LRCH1: variants seen among roughly 807,000 people sequenced by gnomAD.
The protein encoded by LRCH1 is leucine-rich repeat and calponin homology domain-containing protein 1.
In LRCH1, 23 loss-of-function variants were observed where a neutral mutation model predicts 94.9. The observed-to-expected ratio is 0.24, with a 90% confidence interval of 0.17 to 0.34. LRCH1 has a LOEUF of 0.34. Among genes scored for constraint, LRCH1 ranks in the 10% least tolerant of loss-of-function variants. The pLI, the probability that LRCH1 is intolerant of heterozygous loss-of-function variation, is 1.00. For missense variants in LRCH1, 790 were observed against 945.9 expected (o/e 0.84, Z 2.16); for synonymous variants, 364 against 354.9 (o/e 1.03, Z -0.29).
intron 1 of LRCH1, among the ~76,000 whole-genome samples, chr13:46,595,063 C>T (rs1594271629): frequency 6.6e-6 from 1 of 152,160 alleles, no homozygotes; most frequent in East Asian, 1.9e-4. Context: ...TTATTAATAC[C>T]ATGATGATCA....
At chr13:46,664,536 G>T (rs138476804) in intron 2 of LRCH1, among the ~76,000 whole-genome samples, 1 of 152,204 alleles carries the variant, frequency 6.6e-6, no homozygotes, top group East Asian at 1.9e-4. Context: ...TAGCCATGGA[G>T]TAGGCTAGAC....
intron 13 of LRCH1, among the ~76,000 whole-genome samples, chr13:46,710,073 C>A (rs1273105921): frequency 6.6e-6 from 1 of 152,094 alleles, no homozygotes. Context: ...TAGATTCAGC[C>A]TTGTTTTTGT....
chr13:46,649,335 C>G (rs184928753), intron 1 of LRCH1, among the ~76,000 whole-genome samples: 1 of 152,056 alleles, frequency 6.6e-6, no homozygotes, highest in South Asian at 2.1e-4. Flanking sequence ...GTGGTTCTTT[C>G]CTTATAGTCT....
intron 18 of LRCH1, among the ~76,000 whole-genome samples, chr13:46,730,922 A>G (rs1157205552): frequency 1.3e-5 from 2 of 152,222 alleles, no homozygotes; most frequent in African/African-American, 4.8e-5. Context: ...AAAATGCTAC[A>G]TTGTTTTAGA....
chr13:46,716,105 G>T (rs9526224), intron 16 of LRCH1, among the ~76,000 whole-genome samples: 19,889 of 151,962 alleles, frequency 0.13, 1,349 homozygotes, highest in Admixed American at 0.15. Context: ...CTAGAGTATT[G>T]CATTGAAAAT....
chr13:46,573,876 T>C (rs1485268366), intron 1 of LRCH1, among the ~76,000 whole-genome samples: 1 of 59,314 alleles, frequency 1.7e-5, no homozygotes, highest in Non-Finnish European at 4.0e-5. Context: ...ATTTTTTTTT[T>C]TTTTGAGATG....
chr13:46,723,574 G>T (rs567659443), intron 17 of LRCH1, among the ~76,000 whole-genome samples: 1 of 152,160 alleles, frequency 6.6e-6, no homozygotes, highest in African/African-American at 2.4e-5. Context: ...GTAGAGGCAG[G>T]CTGATCACTT....
intron 1 of LRCH1, among the ~76,000 whole-genome samples, chr13:46,605,969 G>T (rs2050682138): frequency 6.6e-6 from 1 of 152,194 alleles, no homozygotes; most frequent in South Asian, 2.1e-4. Flanking sequence ...GAGACTCAGA[G>T]ACATGAAGTG....
chr13:46,724,412 C>T (rs978072392), intron 17 of LRCH1, among the ~76,000 whole-genome samples: 2 of 152,138 alleles, frequency 1.3e-5, no homozygotes, highest in African/African-American at 4.8e-5. Flanking sequence ...TTATAGTTAT[C>T]CTCACTTTGT....
intron 1 of LRCH1, among the ~76,000 whole-genome samples, chr13:46,578,239 C>T (rs780537800): frequency 2.0e-5 from 3 of 152,214 alleles, no homozygotes; most frequent in Non-Finnish European, 4.4e-5. Context: ...AGAAAGGATG[C>T]GTGCTTTGTG....
intron 1 of LRCH1, among the ~76,000 whole-genome samples, chr13:46,557,970 G>A (rs2050084587): frequency 6.6e-6 from 1 of 152,172 alleles, no homozygotes; most frequent in African/African-American, 2.4e-5. Context: ...CATAGGTTGA[G>A]GCTGCAGTGA....
rs749492624 is a variant in LRCH1 at position 46,701,205 on chromosome 13, T to A, written c.1398T>A (p.Asn466Lys). ...REAVDLLQDP[N>K]GLSTDITERS... ...CAGTAGATTTGCTGCAAGATCCCAA[T>A]GGGTGTGTATGTCTCCTTGGTCCAG... is the stretch of plus-strand genomic sequence containing the variant. Residue 466 changes from asparagine to lysine, a missense_variant and splice_region_variant, in exon 11 of 20, where the codon AAT becomes AAA. Around this residue, in one of 3 missense-constraint regions of LRCH1, gnomAD observed 460 missense variants for 508.9 expected, o/e 0.90. Transcript: ENST00000389797. 1.4e-5 allele frequency: 23 copies of A among 1,604,588 alleles called. No individual in the cohort carries two copies. The highest frequency in any genetic ancestry group is 2.0e-5 in the Non-Finnish European group (23 of 1,171,496).
Position 46,657,500 on chromosome 13 carries a change from C to CTTTTTTTTTTTTTTT in LRCH1, c.452+7183_452+7197dup, listed in dbSNP as rs67588975. Among the ~76,000 whole-genome samples the CTTTTTTTTTTTTTTT allele has an allele frequency of 2.2e-3, 25 of 11,384 alleles. 6 individuals carry two copies. Among genetic ancestry groups the CTTTTTTTTTTTTTTT allele is most frequent in the Non-Finnish European group, 3.6e-3 (22 of 6,140 alleles). The allele number at this position is 11,384 out of a possible 152,430, so 7.5% of individuals were successfully genotyped here. On this transcript the variant is annotated intron_variant, in intron 2 of 19. Coordinates refer to ENST00000389797, the MANE Select transcript of LRCH1 (RefSeq NM_001164211.2). ...TCATTTTTACTTTTTCTTTTCTTTT[C>CTTTTTTTTTTTTTTT]TTTTTTTTTTTTTTTTTTTTTTTTT...
At chr13:46,651,742 C>T (rs1173290409) in intron 2 of LRCH1, among the ~76,000 whole-genome samples, 56 of 151,100 alleles carry the variant, frequency 3.7e-4, no homozygotes, top group Middle Eastern at 3.4e-3. Context: ...ACTCTGTCAC[C>T]CAGGCTGGAG....
intron 18 of LRCH1, among the ~76,000 whole-genome samples, chr13:46,732,671 G>A (rs1219935903): frequency 3.9e-5 from 6 of 152,152 alleles, no homozygotes; most frequent in Non-Finnish European, 7.3e-5. Context: ...GGGCCCAAAC[G>A]ATCAGAGAGA....
In LRCH1 at chr13:46,691,701, G is replaced by GT. The variant is rs984393449; in HGVS notation, c.1015-828dup. Reference sequence around the variant, plus strand: ...GAGGAGGTGCCATGCACTTTTTTTTGTTTTTTTAAGACGGAGTCTTGTTCT... The same window carrying GT: ...GAGGAGGTGCCATGCACTTTTTTTTGTTTTTTTTAAGACGGAGTCTTGTTCT... On this transcript the variant is annotated intron_variant, in intron 7 of 19. Transcript: ENST00000389797. Among the ~76,000 whole-genome samples the GT allele has an allele frequency of 7.2e-5, 11 of 151,788 alleles. No individual in the cohort carries two copies. The South Asian group carries it at 1.7e-3, about 23-fold the overall frequency.
intron 1 of LRCH1, among the ~76,000 whole-genome samples, chr13:46,587,143 T>C (rs541689549): frequency 3.3e-5 from 5 of 152,328 alleles, no homozygotes; most frequent in East Asian, 1.9e-4. Flanking sequence ...GATGTAAAAA[T>C]AGCACCCTAC....
intron 1 of LRCH1, among the ~76,000 whole-genome samples, chr13:46,644,888 A>G (rs1158584323): frequency 3.3e-5 from 5 of 152,240 alleles, no homozygotes; most frequent in African/African-American, 1.2e-4. Context: ...AAAAGAGATC[A>G]GACACAACTT....
At chr13:46,602,372 T>G (rs551190863) in intron 1 of LRCH1, among the ~76,000 whole-genome samples, 2 of 152,186 alleles carry the variant, frequency 1.3e-5, no homozygotes, top group African/African-American at 4.8e-5. Context: ...ACGTGCTTAA[T>G]TGGGGACAGG....
Sources: allele counts gnomAD v4.1 joint callset (sites outside exome capture counted in the v4.1 genomes callset), GRCh38; gene constraint gnomAD v4.1.1; regional missense constraint gnomAD v4.1.1; transcripts MANE v1.5; gene names NCBI Gene and HGNC (gene_info 2026-07-23, HGNC 2026-07-21).